SLMAP: variants seen among roughly 807,000 people sequenced by gnomAD.
The protein encoded by SLMAP is sarcolemmal membrane-associated protein.
In SLMAP, 44 loss-of-function variants were observed where a neutral mutation model predicts 128.8. The observed-to-expected ratio is 0.34, with a 90% CI of 0.27 to 0.44. The LOEUF (loss-of-function observed/expected upper bound fraction) is 0.44, where lower values mean the gene tolerates loss of function less well. Ranked by LOEUF, SLMAP falls within the 20% of genes least tolerant of loss-of-function variation. SLMAP has a pLI of 1.00. For synonymous variants in SLMAP, 327 were observed against 348.8 expected (o/e 0.94, Z 0.70); for missense variants, 787 against 985.3 (o/e 0.80, Z 2.69).
chr3:57,884,636 C>T (rs900621758), intron 14 of SLMAP, among the ~76,000 whole-genome samples: 2 of 151,996 alleles, frequency 1.3e-5, no homozygotes, highest in South Asian at 2.1e-4. Flanking sequence ...GGCGAAACCA[C>T]GTCTCTACAA....
At chr3:57,760,227 A>T (rs772459453) in intron 2 of SLMAP, among the ~76,000 whole-genome samples, 19 of 152,232 alleles carry the variant, frequency 1.2e-4, no homozygotes, top group Admixed American at 4.6e-4. Context: ...GGCATAAGCC[A>T]CCACACCCGG....
chr3:57,794,771 G>A (rs1044181621), intron 2 of SLMAP, among the ~76,000 whole-genome samples: 16 of 152,176 alleles, frequency 1.1e-4, no homozygotes, highest in African/African-American at 3.6e-4. Context: ...TTGCATTGCT[G>A]GATAAAATTC....
chr3:57,832,329 G>A (rs1485124994), intron 3 of SLMAP, among the ~76,000 whole-genome samples: 3 of 152,174 alleles, frequency 2.0e-5, no homozygotes, highest in African/African-American at 7.2e-5. Flanking sequence ...AGATGGAAAG[G>A]TAGTAGAGGT....
At chr3:57,870,302 C>T (rs1185044976) in intron 13 of SLMAP, among the ~76,000 whole-genome samples, 5 of 151,978 alleles carry the variant, frequency 3.3e-5, no homozygotes, top group Admixed American at 6.6e-5. Context: ...ATACTGAGGG[C>T]TCCCGTTTTG....
At position 57,802,792 on chromosome 3, in the gene SLMAP, A is replaced by T. The variant is rs530209879; in HGVS notation, c.199-28591A>T. Among the ~76,000 whole-genome samples, 15 of 152,310 alleles carry T rather than the reference A, an allele frequency of 9.8e-5. No individual in the cohort carries two copies. In the East Asian group the frequency reaches 2.9e-3, roughly 29 times the overall value. On this transcript the variant is annotated intron_variant, in intron 2 of 24. Coordinates refer to ENST00000671191, the MANE Select transcript of SLMAP (RefSeq NM_001377540.1). ...TTCAGATTGCTTCCAGTTTTGGATT[A>T]TTATGAACAGTACTGCCAGGAACAT...
chr3:57,871,776 T>A, intron 14 of SLMAP, 78 bp downstream of exon 14: 1 of 1,080,126 alleles, frequency 9.3e-7, no homozygotes, highest in Non-Finnish European at 1.4e-6. Context: ...AAAATGAGGA[T>A]CTCAATGTGT....
At chr3:57,839,425 A>T (rs1353522927) in intron 3 of SLMAP, among the ~76,000 whole-genome samples, 2 of 145,300 alleles carry the variant, frequency 1.4e-5, no homozygotes, top group Non-Finnish European at 1.5e-5. Context: ...CCCCAAATGC[A>T]TTAGCTCTAT....
In SLMAP at chr3:57,765,400, A is replaced by T. The variant is rs367718322; in HGVS notation, c.198+7551A>T. On this transcript the variant is annotated intron_variant, in intron 2 of 24. Coordinates refer to ENST00000671191, the MANE Select transcript of SLMAP (RefSeq NM_001377540.1). ...AGTGAGACCCATCTTAAAAAAAAAT[A>T]TGGGGTTAAGGGATAGATTGTAGTT... is the stretch of plus-strand genomic sequence containing the variant. Among the ~76,000 whole-genome samples the T allele has an allele frequency of 3.2e-4, 49 of 152,186 alleles. 2 individuals are homozygous for T. The South Asian group carries it at 9.8e-3, about 30-fold the overall frequency.
chr3:57,897,406 T>C (rs17058640), intron 17 of SLMAP: 2,557 of 156,262 alleles, frequency 0.016, 62 homozygotes, highest in African/African-American at 0.058. Flanking sequence ...TAAGAAACTT[T>C]AGGTGGATGG....
intron 2 of SLMAP, among the ~76,000 whole-genome samples, chr3:57,777,079 C>T (rs1034557848): frequency 8.1e-6 from 1 of 123,844 alleles, no homozygotes. Flanking sequence ...TATGGAAGTA[C>T]TAGCGTAAGA....
chr3:57,791,337 G>A (rs1415768785), intron 2 of SLMAP, among the ~76,000 whole-genome samples: 1 of 151,814 alleles, frequency 6.6e-6, no homozygotes, highest in African/African-American at 2.4e-5. Flanking sequence ...TCAAGCCTGG[G>A]CAACAGAGAC....
At chr3:57,892,251 A>G (rs554382842) in intron 15 of SLMAP, among the ~76,000 whole-genome samples, 1 of 152,244 alleles carries the variant, frequency 6.6e-6, no homozygotes, top group Admixed American at 6.5e-5. Context: ...TTTTGGTGGA[A>G]TTTTCTTGTT....
At chr3:57,863,277 A>C (rs1057194129) in intron 10 of SLMAP, among the ~76,000 whole-genome samples, 5 of 152,152 alleles carry the variant, frequency 3.3e-5, no homozygotes, top group African/African-American at 1.2e-4. Context: ...AGAATCTTAT[A>C]ACTGAGGAAA....
At chr3:57,877,996 G>A (rs543528553) in intron 14 of SLMAP, among the ~76,000 whole-genome samples, 3 of 151,248 alleles carry the variant, frequency 2.0e-5, no homozygotes, top group East Asian at 1.9e-4. Context: ...TACCATACCC[G>A]GCTAATTTTT....
At chr3:57,875,949 A>G (rs747417656) in intron 14 of SLMAP, among the ~76,000 whole-genome samples, 3 of 152,258 alleles carry the variant, frequency 2.0e-5, no homozygotes, top group Non-Finnish European at 2.9e-5. Flanking sequence ...TGGATTACAT[A>G]TTAACAAGTT....
intron 2 of SLMAP, among the ~76,000 whole-genome samples, chr3:57,806,540 C>G (rs1347335386): frequency 1.3e-5 from 2 of 152,114 alleles, no homozygotes; most frequent in Non-Finnish European, 2.9e-5. Context: ...CGGGTTCAAG[C>G]AATTATCCTG....
chr3:57,865,141 C>T (rs959279528), intron 12 of SLMAP, 101 bp from the exon 13 acceptor site: 2 of 658,578 alleles, frequency 3.0e-6, no homozygotes, highest in Non-Finnish European at 5.1e-6. Context: ...GTGTTCTATA[C>T]AATCTTAATC....
chr3:57,777,611 A>T (rs1302465628), intron 2 of SLMAP, among the ~76,000 whole-genome samples: 2 of 152,272 alleles, frequency 1.3e-5, no homozygotes, highest in African/African-American at 4.8e-5. Context: ...GTTCAGAAGA[A>T]AAAAATTGGC....
At chr3:57,902,848 T>C (rs1327759608) in intron 17 of SLMAP, among the ~76,000 whole-genome samples, 1 of 152,196 alleles carries the variant, frequency 6.6e-6, no homozygotes, top group Non-Finnish European at 1.5e-5. Flanking sequence ...TTATGGCTAT[T>C]GTCCCAGCAT....
Sources: gnomAD v4.1 joint callset for allele counts (sites outside exome capture counted in the v4.1 genomes callset) on GRCh38, gnomAD v4.1.1 for gene constraint, MANE v1.5 for transcripts, NCBI Gene and HGNC (gene_info 2026-07-23, HGNC 2026-07-21) for gene names.